IQCK: variants seen among roughly 807,000 people sequenced by gnomAD.
IQCK encodes the protein IQ domain-containing protein K.
A neutral mutation model predicts 28.1 loss-of-function variants in IQCK; 29 were observed. The observed-to-expected ratio is 1.03, with a 90% CI of 0.77 to 1.41. The LOEUF is 1.41. IQCK is among the 40% of genes most tolerant of loss of function. The pLI, the probability that IQCK is intolerant of heterozygous loss-of-function variation, is 0.00. For synonymous variants in IQCK, 113 were observed against 115.1 expected (o/e 0.98, Z 0.12); for missense variants, 359 against 314.7 (o/e 1.14, Z -1.07).
At chr16:19,729,449 G>A (rs559723900) in intron 1 of IQCK, among the ~76,000 whole-genome samples, 98 of 151,498 alleles carry the variant, frequency 6.5e-4, no homozygotes, top group African/African-American at 2.3e-3. Flanking sequence ...ATGTGCTCTC[G>A]GTGTCTTCCC....
intron 4 of IQCK, among the ~76,000 whole-genome samples, chr16:19,745,490 G>A (rs1402333698): frequency 6.6e-6 from 1 of 152,144 alleles, no homozygotes; most frequent in Non-Finnish European, 1.5e-5. Flanking sequence ...AAACAAAGTG[G>A]GTTTTATTTT....
chr16:19,743,650 A>G (rs542314553), intron 4 of IQCK, among the ~76,000 whole-genome samples: 4 of 152,228 alleles, frequency 2.6e-5, no homozygotes, highest in African/African-American at 9.7e-5. Context: ...AAGAAGCTTA[A>G]GTTCACAGCT....
At chr16:19,729,424 T>C (rs1977758796) in intron 1 of IQCK, among the ~76,000 whole-genome samples, 1 of 151,604 alleles carries the variant, frequency 6.6e-6, no homozygotes, top group Admixed American at 6.6e-5. Context: ...TTCTTTGTGT[T>C]AGCCTCTCCT....
At chr16:19,854,538 C>G (rs1295161287) in intron 9 of IQCK, among the ~76,000 whole-genome samples, 1 of 152,226 alleles carries the variant, frequency 6.6e-6, no homozygotes, top group Non-Finnish European at 1.5e-5. Context: ...CAATTTCCCC[C>G]TATTGCAGAT....
chr16:19,773,784 G>A (rs1200427596), intron 6 of IQCK, among the ~76,000 whole-genome samples: 2 of 152,182 alleles, frequency 1.3e-5, no homozygotes, highest in African/African-American at 2.4e-5. Context: ...ATGGTCTCAT[G>A]TAAAAGCAAA....
At chr16:19,810,207 G>A (rs1453755212) in intron 7 of IQCK, among the ~76,000 whole-genome samples, 1 of 152,114 alleles carries the variant, frequency 6.6e-6, no homozygotes, top group Non-Finnish European at 1.5e-5. Context: ...TTGAAAATAG[G>A]GATGTTCGGC....
At chr16:19,806,199 G>T (rs566301880) in intron 7 of IQCK, among the ~76,000 whole-genome samples, 1 of 152,208 alleles carries the variant, frequency 6.6e-6, no homozygotes, top group African/African-American at 2.4e-5. Flanking sequence ...ATGTATTGAG[G>T]ACCAGCAAGA....
At chr16:19,749,713 C>T (rs2054959884) in intron 4 of IQCK, among the ~76,000 whole-genome samples, 1 of 151,384 alleles carries the variant, frequency 6.6e-6, no homozygotes, top group Non-Finnish European at 1.5e-5. Flanking sequence ...CTGCAGTGAG[C>T]TATGATTGCA....
At chr16:19,737,823 G>C (rs1270919340) in intron 4 of IQCK, among the ~76,000 whole-genome samples, 1 of 151,732 alleles carries the variant, frequency 6.6e-6, no homozygotes, top group African/African-American at 2.4e-5. Flanking sequence ...CACGGCCTCT[G>C]TGCATCTGCT....
chr16:19,723,809 A>G (rs1411778994), intron 1 of IQCK, among the ~76,000 whole-genome samples: 2 of 151,990 alleles, frequency 1.3e-5, no homozygotes, highest in Admixed American at 1.3e-4. Flanking sequence ...AATTTAAACA[A>G]ATTAGCCAGG....
At chr16:19,750,711 C>A (rs564290363) in intron 4 of IQCK, among the ~76,000 whole-genome samples, 2 of 152,294 alleles carry the variant, frequency 1.3e-5, no homozygotes, top group East Asian at 3.9e-4. Context: ...ATCCATCCAA[C>A]TTGGCCTCCC....
intron 6 of IQCK, among the ~76,000 whole-genome samples, chr16:19,766,542 G>C (rs1191693416): frequency 2.0e-5 from 3 of 152,208 alleles, no homozygotes; most frequent in Non-Finnish European, 4.4e-5. Context: ...GGAGAACAAG[G>C]GTGGGAGCCG....
At chr16:19,847,374 G>A (rs540272124) in intron 9 of IQCK, among the ~76,000 whole-genome samples, 1 of 152,236 alleles carries the variant, frequency 6.6e-6, no homozygotes, top group East Asian at 1.9e-4. Context: ...GGGGTACACC[G>A]GTCACAGTGC....
At chr16:19,851,175 A>G (rs1336229988) in intron 9 of IQCK, among the ~76,000 whole-genome samples, 1 of 152,198 alleles carries the variant, frequency 6.6e-6, no homozygotes. Flanking sequence ...CCTGGCTCAC[A>G]GTTGACTGAG....
At chr16:19,820,499 A>C (rs1484632349) in intron 7 of IQCK, among the ~76,000 whole-genome samples, 1 of 152,118 alleles carries the variant, frequency 6.6e-6, no homozygotes. Context: ...AATACAAAAA[A>C]TTAGCTGGGC....
intron 9 of IQCK, among the ~76,000 whole-genome samples, chr16:19,847,028 T>A (rs913968358): frequency 6.6e-6 from 1 of 152,144 alleles, no homozygotes; most frequent in African/African-American, 2.4e-5. Context: ...GTGTGGCCAT[T>A]TACTTAACTC....
chr16:19,730,944 A>G (rs1382224522), intron 2 of IQCK, among the ~76,000 whole-genome samples: 1 of 152,088 alleles, frequency 6.6e-6, no homozygotes, highest in Non-Finnish European at 1.5e-5. Flanking sequence ...GGCTGGTCTC[A>G]TACTCCTGAC....
chr16:19,844,487 G>T (rs1367854315), intron 9 of IQCK, among the ~76,000 whole-genome samples: 1 of 152,308 alleles, frequency 6.6e-6, no homozygotes, highest in East Asian at 1.9e-4. Context: ...TGGGTCGGAT[G>T]ACCCGGTGGC....
intron 6 of IQCK, among the ~76,000 whole-genome samples, chr16:19,766,933 G>A (rs182556450): frequency 6.6e-6 from 1 of 152,328 alleles, no homozygotes; most frequent in African/African-American, 2.4e-5. Flanking sequence ...TGCCAGGTGT[G>A]GTGGCACATG....
Sources: allele counts gnomAD v4.1 joint callset (sites outside exome capture counted in the v4.1 genomes callset), GRCh38; gene constraint gnomAD v4.1.1; transcripts MANE v1.5; gene names NCBI Gene and HGNC (gene_info 2026-07-23, HGNC 2026-07-21).